Variants in KIF6 observed in about 807,000 individuals in gnomAD.
KIF6 encodes kinesin family member 6, also known as kinesin-like protein KIF6.
Under a neutral mutation model 112.7 loss-of-function variants are expected in KIF6, and 106 were observed. The ratio of observed to expected loss-of-function variants is 0.94; its 90% CI spans 0.80 to 1.11. The LOEUF (loss-of-function observed/expected upper bound fraction) is 1.11, where lower values mean the gene tolerates loss of function less well. Among genes scored for constraint, KIF6 ranks in the 50% least tolerant of loss-of-function variants. The pLI is 0.00. For missense variants in KIF6, 929 were observed against 964.0 expected, an observed-to-expected ratio of 0.96 and a Z score of 0.48; for synonymous variants, 339 against 339.9, an observed-to-expected ratio of 1.00 and a Z score of 0.03.
chr6:39,553,042 G>GA, intron 10 of KIF6, among the ~76,000 whole-genome samples: 3 of 152,296 alleles, frequency 2.0e-5, no homozygotes, highest in Admixed American at 2.0e-4. Flanking sequence ...AGATTCTGCT[G>GA]AAAGAATCAA....
At chr6:39,433,501 A>T (rs184314630) in intron 13 of KIF6, among the ~76,000 whole-genome samples, 1 of 152,368 alleles carries the variant, frequency 6.6e-6, no homozygotes, top group East Asian at 1.9e-4. Flanking sequence ...GTGGCTTAAA[A>T]GGCACTTAGG....
chr6:39,611,057 A>G lies in KIF6; in HGVS notation c.639+2132T>C, dbSNP rs1028852365. On this transcript the variant is annotated intron_variant, in intron 6 of 22. Transcript: ENST00000287152. Reference sequence around the variant, plus strand: ...CGCGGTGGCTCACACCTGTAATTCCAGCATTTGGGAGGCTGAGGTGGTCAG... The same window carrying G: ...CGCGGTGGCTCACACCTGTAATTCCGGCATTTGGGAGGCTGAGGTGGTCAG... 3.9e-5 allele frequency among the ~76,000 whole-genome samples: 6 copies of G among 152,342 alleles called. No homozygotes were observed. The South Asian group carries it at 6.2e-4, about 16-fold the overall frequency.
intron 3 of KIF6, among the ~76,000 whole-genome samples, chr6:39,664,226 G>A (rs1315653337): frequency 6.6e-6 from 1 of 152,112 alleles, no homozygotes; most frequent in Non-Finnish European, 1.5e-5. Context: ...GGGTGGGGTA[G>A]TAGCGATCCC....
At chr6:39,541,221 C>A (rs1257030061) in intron 12 of KIF6, among the ~76,000 whole-genome samples, 1 of 152,192 alleles carries the variant, frequency 6.6e-6, no homozygotes, top group Non-Finnish European at 1.5e-5. Flanking sequence ...GGACAAGCAG[C>A]GTGGAAGTCA....
At chr6:39,544,835 A>C (rs1778982042) in intron 11 of KIF6, 142 bp from the exon 12 acceptor site, 1 of 456,636 alleles carries the variant, frequency 2.2e-6, no homozygotes, top group African/African-American at 2.0e-5. Flanking sequence ...TTTGCGATGC[A>C]GTTGCTTTTT....
At chr6:39,350,906 T>C (rs1764194119) in intron 19 of KIF6, among the ~76,000 whole-genome samples, 1 of 152,168 alleles carries the variant, frequency 6.6e-6, no homozygotes, top group Non-Finnish European at 1.5e-5. Flanking sequence ...GCCACTCAAG[T>C]TGAGGTGTTT....
At chr6:39,362,376 C>T (rs966902592) in intron 17 of KIF6, 58 bp downstream of exon 17, 68 of 1,325,588 alleles carry the variant, frequency 5.1e-5, no homozygotes, top group African/African-American at 4.2e-4. Context: ...AGCTCCAGGA[C>T]GACACTGAGA....
intron 10 of KIF6, among the ~76,000 whole-genome samples, chr6:39,559,163 CT>C (rs1333492693): frequency 6.6e-6 from 1 of 152,068 alleles, no homozygotes; most frequent in Non-Finnish European, 1.5e-5. Flanking sequence ...CATTAATGAC[CT>C]CTGGGATATT....
At chr6:39,457,350 C>G (rs1323574154) in intron 13 of KIF6, among the ~76,000 whole-genome samples, 3 of 146,180 alleles carry the variant, frequency 2.1e-5, no homozygotes, top group Admixed American at 6.8e-5. Context: ...ATACCAGAAT[C>G]TCTGGGACAC....
chr6:39,542,127 G>A (rs751174244), intron 12 of KIF6, among the ~76,000 whole-genome samples: 1 of 152,176 alleles, frequency 6.6e-6, no homozygotes, highest in African/African-American at 2.4e-5. Context: ...CCAGAGCAAG[G>A]AGTTTGGTTT....
chr6:39,586,124 G>C lies in KIF6; in HGVS notation c.990+137C>G, dbSNP rs1049699209. 4 of 757,474 alleles carry C rather than the reference G, an allele frequency of 5.3e-6. No homozygotes were observed. The Admixed American group carries it at 9.6e-5, about 18-fold the overall frequency. 46.9% of individuals were successfully genotyped at this position (757,474 alleles called of 1,614,324 possible). The stretch of plus-strand genomic sequence containing the variant: ...CAGCTATAACAAATAGCCCACAGCT[G>C]TGAACTCTGTAGGGTACTGCCCTCT... On this transcript the variant is annotated intron_variant, in intron 8 of 22. Transcript: ENST00000287152.
At chr6:39,662,812 T>C (rs1329545878) in intron 3 of KIF6, among the ~76,000 whole-genome samples, 4 of 152,086 alleles carry the variant, frequency 2.6e-5, no homozygotes, top group African/African-American at 9.7e-5. Context: ...GAGCCAAAAA[T>C]TGTCTGCACA....
chr6:39,616,477 G>A (rs6919618), intron 5 of KIF6, among the ~76,000 whole-genome samples: 9,695 of 152,174 alleles, frequency 0.064, 1,033 homozygotes, highest in African/African-American at 0.22. Flanking sequence ...TCTTTCATGG[G>A]CTTCCCCCTG....
At chr6:39,409,284 C>A (rs1279589161) in intron 15 of KIF6, among the ~76,000 whole-genome samples, 1 of 152,174 alleles carries the variant, frequency 6.6e-6, no homozygotes, top group Non-Finnish European at 1.5e-5. Flanking sequence ...TTTGGGAAGT[C>A]CCCATGGCAC....
chr6:39,615,313 GATACA>G (rs1783453927), intron 5 of KIF6, among the ~76,000 whole-genome samples: 1 of 152,158 alleles, frequency 6.6e-6, no homozygotes, highest in South Asian at 2.1e-4. Context: ...GACCAAGACA[GATACA>G]ATACTATTCT....
chr6:39,395,231 T>C (rs1036539318), intron 15 of KIF6, among the ~76,000 whole-genome samples: 2 of 152,250 alleles, frequency 1.3e-5, no homozygotes, highest in Non-Finnish European at 2.9e-5. Flanking sequence ...ATTTGGCTAT[T>C]GTATATGTGT....
rs551424565 is a variant in KIF6, at chr6:39,578,112, C to T, written c.1125G>A (p.Leu375=). 11 of 1,614,094 alleles carry T rather than the reference C, an allele frequency of 6.8e-6. No individual in the cohort carries two copies. In the East Asian group the frequency reaches 2.2e-4, roughly 33 times the overall value. Reference sequence around the variant, plus strand: ...TCCTCTGCTCCCCAGTGACCATGGCCAGTTCATCCTTCAGTTCCTGGATTT... The same window carrying T: ...TCCTCTGCTCCCCAGTGACCATGGCTAGTTCATCCTTCAGTTCCTGGATTT... ...QKEIQELKDE[L]AMVTGEQRTE... The change falls in exon 10 of 23, where the codon CTG becomes CTA. Residue 375 remains leucine (L), a synonymous_variant. Coordinates refer to ENST00000287152, the MANE Select transcript of KIF6 (RefSeq NM_145027.6).
intron 7 of KIF6, among the ~76,000 whole-genome samples, chr6:39,588,534 A>C (rs1007338261): frequency 6.6e-6 from 1 of 152,070 alleles, no homozygotes; most frequent in African/African-American, 2.4e-5. Context: ...TTTTAAATGC[A>C]TTTATATCCT....
chr6:39,610,576 G>C (rs1277775137), intron 6 of KIF6, among the ~76,000 whole-genome samples: 6 of 152,214 alleles, frequency 3.9e-5, no homozygotes, highest in African/African-American at 1.2e-4. Flanking sequence ...CATTCTGACA[G>C]GTTGTAATCC....
Sources: allele counts gnomAD v4.1 joint callset (sites outside exome capture counted in the v4.1 genomes callset), GRCh38; gene constraint gnomAD v4.1.1; transcripts MANE v1.5; gene names NCBI Gene and HGNC (gene_info 2026-07-23, HGNC 2026-07-21).